CSMD3: variants seen among roughly 807,000 people sequenced by gnomAD.
CSMD3 encodes CUB and Sushi multiple domains 3.
A neutral mutation model predicts 435.2 loss-of-function variants in CSMD3; 177 were observed. The observed-to-expected ratio is 0.41, with a 90% CI of 0.36 to 0.46. CSMD3 has a LOEUF of 0.46. Among genes scored for constraint, CSMD3 ranks in the 20% least tolerant of loss-of-function variants. The pLI is 0.34. For synonymous variants in CSMD3, 1,656 were observed against 1,520.5 expected (o/e 1.09, Z -2.07); for missense variants, 4,265 against 4,504.6 (o/e 0.95, Z 1.52).
At chr8:112,406,382 C>A in intron 35 of CSMD3, 142 bp downstream of exon 35, 1 of 468,452 alleles carries the variant, frequency 2.1e-6, no homozygotes, top group South Asian at 4.7e-5. Context: ...ACTGATTTTT[C>A]ATATTTATAT....
At chr8:113,374,887 T>C (rs1321656090) in intron 1 of CSMD3, among the ~76,000 whole-genome samples, 2 of 144,088 alleles carry the variant, frequency 1.4e-5, no homozygotes, top group Non-Finnish European at 1.5e-5. Flanking sequence ...GGATCTAGCA[T>C]GAGTGTAAGA....
chr8:112,897,588 A>G (rs2081983240), intron 10 of CSMD3, among the ~76,000 whole-genome samples: 1 of 151,216 alleles, frequency 6.6e-6, no homozygotes, highest in Non-Finnish European at 1.5e-5. Context: ...ATTAATTTTA[A>G]CCTAAGTATC....
At chr8:113,416,747 C>G (rs1011609118) in intron 1 of CSMD3, among the ~76,000 whole-genome samples, 2 of 152,076 alleles carry the variant, frequency 1.3e-5, no homozygotes, top group Admixed American at 6.6e-5. Flanking sequence ...AAAGCTTTCA[C>G]TTGGTTGTGG....
chr8:112,499,766 A>T (rs1019023486), intron 30 of CSMD3, among the ~76,000 whole-genome samples: 5 of 152,208 alleles, frequency 3.3e-5, no homozygotes, highest in Non-Finnish European at 7.3e-5. Flanking sequence ...ATGTTTGCAT[A>T]GCAGCTTAAG....
intron 22 of CSMD3, among the ~76,000 whole-genome samples, chr8:112,592,786 C>T (rs1831309397): frequency 6.6e-6 from 1 of 152,016 alleles, no homozygotes. Context: ...ATAAAAATAA[C>T]TATGGATATG....
chr8:112,249,406 C>T lies in CSMD3; in HGVS notation c.10111-2275G>A, dbSNP rs183692810. ...CTCCAGAGTTTCGTACTCAGTGGAT[C>T]TGGGGTAGGTCCATGAATCTATATT... On this transcript the variant is annotated intron_variant, in intron 63 of 70. Coordinates refer to ENST00000297405, the MANE Select transcript of CSMD3 (RefSeq NM_198123.2). 5.3e-5 allele frequency among the ~76,000 whole-genome samples: 8 copies of T among 152,154 alleles called. No homozygotes were observed. The East Asian group carries it at 1.4e-3, about 26-fold the overall frequency.
chr8:112,497,655 G>A (rs1370351818), intron 30 of CSMD3, among the ~76,000 whole-genome samples: 3 of 151,700 alleles, frequency 2.0e-5, no homozygotes, highest in Non-Finnish European at 4.4e-5. Flanking sequence ...ACTATCTAGG[G>A]CCTCAATTTA....
intron 6 of CSMD3, among the ~76,000 whole-genome samples, chr8:113,011,378 T>C (rs2086249584): frequency 6.6e-6 from 1 of 151,910 alleles, no homozygotes; most frequent in African/African-American, 2.4e-5. Flanking sequence ...GTTTCCAATG[T>C]AGAATAGTTT....
intron 3 of CSMD3, among the ~76,000 whole-genome samples, chr8:113,241,833 A>T (rs1353601732): frequency 6.6e-6 from 1 of 151,910 alleles, no homozygotes; most frequent in Non-Finnish European, 1.5e-5. Flanking sequence ...TGACTTTTTC[A>T]GAAAAACATC....
At chr8:112,361,237 A>T (rs1827170007) in intron 38 of CSMD3, among the ~76,000 whole-genome samples, 1 of 151,888 alleles carries the variant, frequency 6.6e-6, no homozygotes, top group East Asian at 1.9e-4. Context: ...CTGATTAAAT[A>T]TTTTTTAATG....
chr8:112,551,282 A>T (rs1827662616), intron 26 of CSMD3, among the ~76,000 whole-genome samples: 1 of 152,150 alleles, frequency 6.6e-6, no homozygotes, highest in Non-Finnish European at 1.5e-5. Context: ...TTTTACAAAT[A>T]TGGCAAATGG....
intron 52 of CSMD3, among the ~76,000 whole-genome samples, 173 bp downstream of exon 52, chr8:112,304,548 T>C (rs984454327): frequency 1.3e-5 from 2 of 152,144 alleles, no homozygotes; most frequent in Non-Finnish European, 2.9e-5. Context: ...TAGAAAAGCA[T>C]TTACTAATAC....
At chr8:113,258,814 T>C (rs2093404095) in intron 3 of CSMD3, among the ~76,000 whole-genome samples, 1 of 152,072 alleles carries the variant, frequency 6.6e-6, no homozygotes, top group Admixed American at 6.6e-5. Context: ...AGGAGTCTAG[T>C]GTAGTAGTCT....
intron 1 of CSMD3, among the ~76,000 whole-genome samples, chr8:113,418,513 C>T (rs962570688): frequency 6.6e-6 from 1 of 151,946 alleles, no homozygotes; most frequent in Non-Finnish European, 1.5e-5. Context: ...CAAAAAAGAA[C>T]CTAAAGTCTA....
intron 13 of CSMD3, among the ~76,000 whole-genome samples, chr8:112,753,546 A>C (rs2132113965): frequency 6.6e-6 from 1 of 152,350 alleles, no homozygotes; most frequent in Admixed American, 6.5e-5. Flanking sequence ...CGGAAAAAGT[A>C]GTGTGCAGAA....
intron 1 of CSMD3, among the ~76,000 whole-genome samples, chr8:113,387,568 T>C (rs763332142): frequency 6.6e-6 from 1 of 151,592 alleles, no homozygotes; most frequent in Non-Finnish European, 1.5e-5. Flanking sequence ...AAGTAAAATA[T>C]GTATGGGAGG....
chr8:112,907,074 CT>C (rs767406684), intron 10 of CSMD3, among the ~76,000 whole-genome samples: 1 of 151,410 alleles, frequency 6.6e-6, no homozygotes, highest in Non-Finnish European at 1.5e-5. Context: ...GAAGGAAGAA[CT>C]TTTCAAAGGA....
chr8:112,643,238 A>G (rs1289621177), intron 20 of CSMD3, among the ~76,000 whole-genome samples: 1 of 152,160 alleles, frequency 6.6e-6, no homozygotes, highest in Non-Finnish European at 1.5e-5. Context: ...ACAATCAAAT[A>G]TGGAAAAAAT....
intron 1 of CSMD3, among the ~76,000 whole-genome samples, chr8:113,317,793 C>T (rs2093921055): frequency 6.6e-6 from 1 of 151,952 alleles, no homozygotes; most frequent in South Asian, 2.1e-4. Context: ...GATATCCATT[C>T]TATATTATTT....
Sources: allele counts gnomAD v4.1 joint callset (sites outside exome capture counted in the v4.1 genomes callset), GRCh38; gene constraint gnomAD v4.1.1; transcripts MANE v1.5; gene names NCBI Gene and HGNC (gene_info 2026-07-23, HGNC 2026-07-21).